Variants in APLF observed in about 807,000 individuals in gnomAD.
APLF encodes aprataxin and PNKP like factor, also known as aprataxin and PNK-like factor.
Under a neutral mutation model 55.6 loss-of-function variants are expected in APLF, and 61 were observed. The ratio of observed to expected loss-of-function variants is 1.10; its 90% confidence interval spans 0.89 to 1.36. The LOEUF is 1.36. Ranked by LOEUF, APLF falls within the 40% of genes most tolerant of loss-of-function variation. The pLI is 0.00. For synonymous variants in APLF, 207 were observed against 214.8 expected (o/e 0.96, Z 0.32); for missense variants, 611 against 602.5 (o/e 1.01, Z -0.15).
intron 6 of APLF, among the ~76,000 whole-genome samples, chr2:68,530,275 T>G (rs1295163265): frequency 6.6e-6 from 1 of 152,242 alleles, no homozygotes; most frequent in East Asian, 1.9e-4. Context: ...CTTAGCACCA[T>G]GGCATATCTG....
chr2:68,532,813 C>T (rs1670293948), intron 6 of APLF, among the ~76,000 whole-genome samples: 1 of 139,460 alleles, frequency 7.2e-6, no homozygotes, highest in African/African-American at 2.5e-5. Flanking sequence ...TTTTTATCTC[C>T]TCTAAAGATT....
At chr2:68,571,156 G>A (rs553476812) in intron 9 of APLF, among the ~76,000 whole-genome samples, 1 of 151,370 alleles carries the variant, frequency 6.6e-6, no homozygotes, top group South Asian at 2.1e-4. Flanking sequence ...TTTTTTTCTT[G>A]TAAATTTGTT....
intron 2 of APLF, among the ~76,000 whole-genome samples, chr2:68,492,749 T>C (rs140695982): frequency 1.7e-4 from 26 of 152,158 alleles, no homozygotes; most frequent in Non-Finnish European, 3.5e-4. Context: ...AAAACTGTAG[T>C]AGAAATAATA....
intron 8 of APLF, among the ~76,000 whole-genome samples, chr2:68,564,102 C>T (rs562151851): frequency 2.6e-5 from 4 of 152,054 alleles, no homozygotes; most frequent in Admixed American, 1.3e-4. Context: ...TTTCTCCGTT[C>T]CTGATGCCCA....
intron 7 of APLF, among the ~76,000 whole-genome samples, chr2:68,538,664 A>G (rs1259825439): frequency 6.6e-6 from 1 of 152,174 alleles, no homozygotes; most frequent in Non-Finnish European, 1.5e-5. Context: ...GGTACCCTGT[A>G]AAACAACTGA....
chr2:68,479,844 G>T (rs1472107263), intron 1 of APLF, among the ~76,000 whole-genome samples: 2 of 152,026 alleles, frequency 1.3e-5, no homozygotes, highest in African/African-American at 4.8e-5. Flanking sequence ...CCCTGAGATA[G>T]CATGAGCAGC....
At chr2:68,518,932 T>C (rs1433392949) in intron 5 of APLF, among the ~76,000 whole-genome samples, 1 of 124,262 alleles carries the variant, frequency 8.0e-6, no homozygotes, top group Non-Finnish European at 1.6e-5. Flanking sequence ...ATCATTAATA[T>C]TAATATATTA....
At position 68,579,399 on chromosome 2, in the gene APLF, G is replaced by A. The variant is rs1477176212; in HGVS notation, c.*1377G>A. The A allele has an allele frequency of 9.2e-6, 9 of 979,520 alleles. No homozygotes were observed. The highest frequency in any genetic ancestry group is 1.1e-5 in the Non-Finnish European group (9 of 824,774). 60.7% of individuals were successfully genotyped at this position (979,520 alleles called of 1,614,324 possible). A position where few individuals can be genotyped will look rare whatever the true frequency, so the allele number is the denominator to read the frequency against. On this transcript the variant is annotated 3_prime_UTR_variant, in exon 10 of 10. Coordinates refer to ENST00000303795, the MANE Select transcript of APLF (RefSeq NM_173545.3). ...TAATATTTAACTTATTCTCATCCCTGCCACTAACTTAATCCTTGAAGTGTT... is the reference window on the plus strand; with the variant it reads ...TAATATTTAACTTATTCTCATCCCTACCACTAACTTAATCCTTGAAGTGTT...
At chr2:68,480,660 A>G (rs1675925406) in intron 1 of APLF, among the ~76,000 whole-genome samples, 1 of 151,916 alleles carries the variant, frequency 6.6e-6, no homozygotes, top group East Asian at 1.9e-4. Flanking sequence ...ATTTAATAAG[A>G]GTGGTAATAG....
rs1168703864 is a variant in APLF, at chr2:68,529,403, C to T, written c.804+3161C>T. On this transcript the variant is annotated intron_variant, in intron 6 of 9. Coordinates refer to ENST00000303795, the MANE Select transcript of APLF (RefSeq NM_173545.3). This position sits in a 1 kb window ranked among gnomAD's most constrained non-coding sequence, Gnocchi z 4.4. ...CTCACGGACAAGACGAGCAGGTTGC[C>T]GATGGCATGGCCAGGACCTGCGGCG... is the stretch of plus-strand genomic sequence containing the variant. 8.8e-6 allele frequency: 11 copies of T among 1,253,562 alleles called. No individual in the cohort carries two copies. The highest frequency in any genetic ancestry group is 2.6e-5 in the South Asian group (1 of 38,330). The allele number at this position is 1,253,562 out of a possible 1,614,324, so 77.7% of individuals were successfully genotyped here.
At chr2:68,516,595 C>G (rs1669584962) in intron 5 of APLF, among the ~76,000 whole-genome samples, 1 of 150,764 alleles carries the variant, frequency 6.6e-6, no homozygotes, top group Admixed American at 6.7e-5. Flanking sequence ...ACTCCCCGAC[C>G]CTTCCTCCCA....
At chr2:68,481,626 C>T (rs1359028949) in intron 1 of APLF, among the ~76,000 whole-genome samples, 1 of 152,100 alleles carries the variant, frequency 6.6e-6, no homozygotes, top group Non-Finnish European at 1.5e-5. Context: ...TTTGCGCTTC[C>T]TGCATCTGGA....
chr2:68,492,334 C>T (rs551820662), intron 2 of APLF, among the ~76,000 whole-genome samples: 170 of 152,008 alleles, frequency 1.1e-3, no homozygotes, highest in African/African-American at 3.7e-3. Context: ...AAAAATTAGC[C>T]GGGCACGGTG....
intron 5 of APLF, among the ~76,000 whole-genome samples, chr2:68,524,518 T>C (rs1669978417): frequency 6.6e-6 from 1 of 152,230 alleles, no homozygotes; most frequent in Admixed American, 6.5e-5. Context: ...ACTGCTTTCA[T>C]GTTACAAAGG....
At chr2:68,572,992 G>A (rs1184447610) in intron 9 of APLF, among the ~76,000 whole-genome samples, 2 of 152,122 alleles carry the variant, frequency 1.3e-5, no homozygotes, top group East Asian at 3.8e-4. Flanking sequence ...ATTTTAAATT[G>A]TAAAAGAAAT....
chr2:68,525,916 T>A, intron 5 of APLF, 145 bp from the exon 6 acceptor site: 1 of 707,704 alleles, frequency 1.4e-6, no homozygotes, highest in Non-Finnish European at 2.2e-6. Flanking sequence ...CACCTGCCTA[T>A]CTTTTGTATT....
In APLF at chr2:68,526,104, T is replaced by A. The variant is rs147156672; in HGVS notation, c.666T>A (p.Asp222Glu). The A allele has an allele frequency of 1.7e-4, 279 of 1,613,618 alleles. No individual in the cohort carries two copies. The highest frequency in any genetic ancestry group is 1.8e-4 in the Non-Finnish European group (215 of 1,179,970). ...QGSGKEEICKDKSQLNTTQQG... is the reference protein window; with the variant it reads ...QGSGKEEICKEKSQLNTTQQG... ...GTGGAAAAGAAGAAATCTGCAAAGATAAATCCCAGCTAAACACAACCCAGC... is the reference window on the plus strand; with the variant it reads ...GTGGAAAAGAAGAAATCTGCAAAGAAAAATCCCAGCTAAACACAACCCAGC... Residue 222 changes from aspartate (D) to glutamate (E), a missense_variant, in exon 6 of 10, where the codon GAT (aspartate) becomes GAA (glutamate). Coordinates refer to ENST00000303795, the MANE Select transcript of APLF (RefSeq NM_173545.3).
In APLF at chr2:68,545,181, T is replaced by A; in HGVS notation, c.1161-6T>A. On this transcript the variant is annotated splice_polypyrimidine_tract_variant and splice_region_variant and intron_variant, in intron 7 of 9. Transcript: ENST00000303795. ...TTTTCTGACAGTATATTTGTCGCCC[T>A]CCTAGGAAGAATCCTGTTCATTTTC... 1 of 1,612,346 alleles carries A rather than the reference T, an allele frequency of 6.2e-7. No homozygotes were observed. Among genetic ancestry groups the A allele is most frequent in the Non-Finnish European group, 8.5e-7 (1 of 1,179,166 alleles).
intron 2 of APLF, among the ~76,000 whole-genome samples, chr2:68,499,632 A>G (rs1002956690): frequency 2.0e-5 from 3 of 152,178 alleles, no homozygotes; most frequent in Non-Finnish European, 4.4e-5. Flanking sequence ...TGAGGCCAGG[A>G]GTTTGAGACC....
Sources: allele counts gnomAD v4.1 joint callset (sites outside exome capture counted in the v4.1 genomes callset), GRCh38; gene constraint gnomAD v4.1.1; non-coding constraint Gnocchi (gnomAD v3.1); transcripts MANE v1.5; gene names NCBI Gene and HGNC (gene_info 2026-07-23, HGNC 2026-07-21).